NCF2: variants seen among roughly 807,000 people sequenced by gnomAD.
NCF2 encodes neutrophil cytosolic factor 2, also known as neutrophil cytosol factor 2.
NCF2 carries 45 observed loss-of-function variants against 70.9 expected under a neutral mutation model. That is an observed-to-expected ratio of 0.63 (90% CI 0.50 to 0.81). The LOEUF is 0.81. Ranked by LOEUF, NCF2 falls within the 40% of genes least tolerant of loss-of-function variation. The pLI is 0.00. For missense variants in NCF2, 522 were observed against 631.6 expected (o/e 0.83, Z 1.86); for synonymous variants, 203 against 233.6 (o/e 0.87, Z 1.19).
chr1:183,594,275 G>A (rs1443753922), upstream of NCF2, among the ~76,000 whole-genome samples: 2 of 152,176 alleles, frequency 1.3e-5, no homozygotes, highest in East Asian at 3.9e-4. Context: ...AGGCATGGTG[G>A]CACATGCCTG....
At chr1:183,581,720 G>T (rs1004401782) in intron 2 of NCF2, among the ~76,000 whole-genome samples, 49 of 151,726 alleles carry the variant, frequency 3.2e-4, no homozygotes, top group Admixed American at 3.1e-3. Context: ...CCTGGCTGGA[G>T]TGCAGTGGCG....
intron 3 of NCF2, among the ~76,000 whole-genome samples, chr1:183,575,683 G>A (rs1429359836): frequency 6.6e-6 from 1 of 151,788 alleles, no homozygotes; most frequent in Non-Finnish European, 1.5e-5. Context: ...ACACTGTCTT[G>A]CTCTTGGGTC....
chr1:183,577,394 CAGGTA>C (rs1672844005), intron 3 of NCF2, among the ~76,000 whole-genome samples, 200 bp downstream of exon 3: 1 of 152,216 alleles, frequency 6.6e-6, no homozygotes, highest in Non-Finnish European at 1.5e-5. Context: ...TGTATGCCCC[CAGGTA>C]ACTGATGACA....
chr1:183,598,893 G>T, the NCF2 span, among the ~76,000 whole-genome samples: 13 of 152,224 alleles, frequency 8.5e-5, no homozygotes, highest in African/African-American at 3.1e-4. Flanking sequence ...TGAGATTCAG[G>T]AAGCCAGGAT....
At chr1:183,580,834 C>G (rs918067886) in intron 2 of NCF2, among the ~76,000 whole-genome samples, 5 of 151,936 alleles carry the variant, frequency 3.3e-5, no homozygotes, top group African/African-American at 1.2e-4. Context: ...TAAAAATTAG[C>G]CGGGCGTGGT....
At chr1:183,556,284 C>T (rs1671778067) in intron 14 of NCF2, 54 bp from the exon 15 acceptor site, 1 of 1,471,748 alleles carries the variant, frequency 6.8e-7, no homozygotes, top group Non-Finnish European at 9.5e-7. Flanking sequence ...GGAAGATTAC[C>T]CTGTCTGGCT....
the NCF2 span, among the ~76,000 whole-genome samples, chr1:183,597,535 T>A: frequency 2.0e-5 from 3 of 152,142 alleles, no homozygotes; most frequent in African/African-American, 7.2e-5. Flanking sequence ...GATGCTGAGG[T>A]CTGGACTTCT....
At chr1:183,583,583 A>T (rs1673209391) in intron 2 of NCF2, among the ~76,000 whole-genome samples, 1 of 152,250 alleles carries the variant, frequency 6.6e-6, no homozygotes, top group African/African-American at 2.4e-5. Flanking sequence ...ACTATGCTAG[A>T]TACTGAAATA....
At chr1:183,570,757 G>A (rs373387380) in intron 6 of NCF2, 23 bp downstream of exon 6, 7 of 1,612,254 alleles carry the variant, frequency 4.3e-6, no homozygotes, top group African/African-American at 4.0e-5. Flanking sequence ...CTAGGTCCAT[G>A]GAGAAGGTCA....
At chr1:183,574,806 G>T (rs1054531079) in intron 3 of NCF2, among the ~76,000 whole-genome samples, 185 bp from the exon 4 acceptor site, 3 of 152,116 alleles carry the variant, frequency 2.0e-5, no homozygotes, top group African/African-American at 7.2e-5. Context: ...CACAAACATG[G>T]TGTTAAGAAA....
chr1:183,589,839 A>G (rs962106418), intron 1 of NCF2, among the ~76,000 whole-genome samples: 3 of 152,224 alleles, frequency 2.0e-5, no homozygotes, highest in African/African-American at 7.2e-5. Context: ...GCCCAGAAGG[A>G]GTTCTGTGTA....
rs754118806 is a variant in NCF2 at position 183,567,238 on chromosome 1, T to C, written c.821A>G (p.Asn274Ser). The C allele has an allele frequency of 3.5e-5, 56 of 1,614,020 alleles. No homozygotes were observed. Among genetic ancestry groups the C allele is most frequent in the Admixed American group, 8.3e-5 (5 of 59,996 alleles). Reference protein sequence around the residue: ...GNIVFVLKKGNDNWATVMFNG... With the variant: ...GNIVFVLKKGSDNWATVMFNG... ...GAACATGACCGTGGCCCAGTTATCA[T>C]TGCCCTTCTTCAAGACAAAGACAAT... The change falls in exon 8 of 15, where the codon AAT (asparagine) becomes AGT (serine). Residue 274 changes from asparagine (N) to serine (S), a missense_variant. Transcript: ENST00000367535.
intron 12 of NCF2, 22 bp from the exon 13 acceptor site, chr1:183,563,328 G>C (rs1041669333): frequency 3.1e-6 from 5 of 1,613,750 alleles, no homozygotes; most frequent in Non-Finnish European, 4.2e-6. Flanking sequence ...TAATGAGTAA[G>C]AATCCAGTCA....
intron 2 of NCF2, among the ~76,000 whole-genome samples, chr1:183,582,718 G>A (rs1673171039): frequency 6.6e-6 from 1 of 152,156 alleles, no homozygotes; most frequent in Non-Finnish European, 1.5e-5. Context: ...CTTTGCTATG[G>A]AGCCTCTTTA....
intron 14 of NCF2, among the ~76,000 whole-genome samples, chr1:183,559,323 T>C (rs1343152094): frequency 6.6e-6 from 1 of 152,250 alleles, no homozygotes; most frequent in Non-Finnish European, 1.5e-5. Flanking sequence ...GTTTCAATTT[T>C]TAGTCTGTTC....
chr1:183,585,336 C>A (rs980173893), intron 2 of NCF2, among the ~76,000 whole-genome samples: 2 of 152,072 alleles, frequency 1.3e-5, no homozygotes, highest in Non-Finnish European at 2.9e-5. Context: ...TCAGAAAGTT[C>A]TTTATTAGGC....
rs769568203 is a variant in NCF2, at chr1:183,556,274, GGAAGA to G, written c.1469-49_1469-45del. ...CACATGGATTTCTAAAACCACTGTA[GGAAGA>G]TTACCCTGTCTGGCTATTCCACACA... On this transcript the variant is annotated intron_variant, in intron 14 of 14. Coordinates refer to ENST00000367535, the MANE Select transcript of NCF2 (RefSeq NM_000433.4). 1.1e-4 allele frequency: 166 copies of G among 1,531,554 alleles called. 6 individuals carry two copies. In the Middle Eastern group the frequency reaches 9.8e-3, roughly 90 times the overall value. 94.9% of individuals were successfully genotyped at this position (1,531,554 alleles called of 1,614,324 possible). A position where few individuals can be genotyped will look rare whatever the true frequency, so the allele number is the denominator to read the frequency against.
At chr1:183,587,864 T>C (rs779365986) in intron 1 of NCF2, among the ~76,000 whole-genome samples, 4 of 152,110 alleles carry the variant, frequency 2.6e-5, no homozygotes, top group Non-Finnish European at 4.4e-5. Context: ...AAAATACATA[T>C]CTATATTTAA....
Position 183,569,181 on chromosome 1 carries a change from G to A in NCF2, c.674C>T (p.Ala225Val). ...SGFAPLQPQA[A>V]EPPPRPKTPE... ...GGTTTTCGGTCTGGGTGGAGGCTCA[G>A]CTGCCTATTGAACATTCAGGAGAAG... Residue 225 changes from alanine to valine, a missense_variant, in exon 7 of 15, where the codon GCT becomes GTT. Physicochemically the swap from Ala to Val is moderately conservative, Grantham distance 64. Transcript: ENST00000367535. 6.2e-7 allele frequency: 1 copy of A among 1,614,072 alleles called. No homozygotes were observed. The highest frequency in any genetic ancestry group is 8.5e-7 in the Non-Finnish European group (1 of 1,179,950).
Sources: gnomAD v4.1 joint callset for allele counts (sites outside exome capture counted in the v4.1 genomes callset) on GRCh38, gnomAD v4.1.1 for gene constraint, MANE v1.5 for transcripts, NCBI Gene and HGNC (gene_info 2026-07-23, HGNC 2026-07-21) for gene names.